The following ATF7IP2 variants were observed in gnomAD, a reference collection of about 807,000 sequenced individuals.
ATF7IP2 encodes the protein activating transcription factor 7 interacting protein 2.
In ATF7IP2, 42 loss-of-function variants were observed where a neutral mutation model predicts 64.2. That is an observed-to-expected ratio of 0.65 (90% CI 0.51 to 0.85). The LOEUF is 0.85. Ranked by LOEUF, ATF7IP2 falls within the 40% of genes least tolerant of loss-of-function variation. The pLI, the probability that ATF7IP2 is intolerant of heterozygous loss-of-function variation, is 0.00. For missense variants in ATF7IP2, 933 were observed against 784.2 expected (o/e 1.19, Z -2.27); for synonymous variants, 308 against 272.8 (o/e 1.13, Z -1.27).
chr16:10,440,924 C>T (rs2048597215), intron 8 of ATF7IP2, among the ~76,000 whole-genome samples: 1 of 152,152 alleles, frequency 6.6e-6, no homozygotes, highest in South Asian at 2.1e-4. Context: ...CTGACAGGCC[C>T]TGGTGTGTGG....
At chr16:10,464,988 G>A (rs2049511339) in intron 9 of ATF7IP2, among the ~76,000 whole-genome samples, 2 of 152,048 alleles carry the variant, frequency 1.3e-5, no homozygotes. Flanking sequence ...GTGTTGCCAC[G>A]CCCAGCTAAT....
intron 1 of ATF7IP2, chr16:10,387,364 T>C (rs967186940): frequency 6.6e-6 from 1 of 152,258 alleles, no homozygotes; most frequent in Non-Finnish European, 1.5e-5. Flanking sequence ...TAATCAAATT[T>C]ACTTCACTCT....
At position 10,480,894 on chromosome 16, in the gene ATF7IP2, C is replaced by T; in HGVS notation, c.1565C>T (p.Pro522Leu). ...TTGTTCACAGAAAGTCCAGTATCCCCCCTGGAGTCACATTCGAAAGCTGCT... is the reference window on the plus strand; with the variant it reads ...TTGTTCACAGAAAGTCCAGTATCCCTCCTGGAGTCACATTCGAAAGCTGCT... Reference protein sequence around the residue: ...SNCNTESPVSPLESHSKAASN... With the variant: ...SNCNTESPVSLLESHSKAASN... The change falls in exon 13 of 14, where the codon CCC becomes CTC. Residue 522 changes from proline (P) to leucine (L), a missense_variant. By Grantham distance (98) the Pro-to-Leu change is moderately conservative. Transcript: ENST00000562102. The T allele has an allele frequency of 2.5e-6, 4 of 1,611,104 alleles. No individual in the cohort carries two copies. In the South Asian group the frequency reaches 4.4e-5, roughly 18 times the overall value.
rs1197176931 is a variant in ATF7IP2 at position 10,482,192 on chromosome 16, A to G, written c.1992A>G (p.Arg664=). The G allele has an allele frequency of 6.2e-7, 1 of 1,612,334 alleles. No individual in the cohort carries two copies. Among genetic ancestry groups the G allele is most frequent in the Non-Finnish European group, 8.5e-7 (1 of 1,179,034 alleles). Residue 664 remains arginine (R), a synonymous_variant, in exon 14 of 14, where the codon CGA becomes CGG. Transcript: ENST00000562102. Reference sequence around the variant, plus strand: ...TCCAATCAAAAGATATTTTTGGACGATATGGACCATTCTGTGATATAAAAT... The same window carrying G: ...TCCAATCAAAAGATATTTTTGGACGGTATGGACCATTCTGTGATATAAAAT... ...FTVQSKDIFG[R]YGPFCDIKSI... is the part of the protein sequence containing the mutation.
chr16:10,479,373 T>C (rs916099615), intron 12 of ATF7IP2, among the ~76,000 whole-genome samples: 4 of 151,910 alleles, frequency 2.6e-5, no homozygotes, highest in Admixed American at 6.6e-5. Context: ...AAATTGGAAA[T>C]CATCATACTC....
In ATF7IP2 at chr16:10,438,173, A is replaced by G; in HGVS notation, c.1033A>G (p.Asn345Asp). Residue 345 changes from asparagine to aspartate, a missense_variant, in exon 7 of 14, where the codon AAC (asparagine) becomes GAC (aspartate). Asn to Asp is a conservative substitution (Grantham distance 23, BLOSUM62 1). Transcript: ENST00000562102. ...ELFDKKLKEL[N>D]QRIGKTECRN... Reference sequence around the variant, plus strand: ...ATTTGATAAGAAACTGAAAGAATTGAACCAACGCATTGGGAAGACAGAGTG... The same window carrying G: ...ATTTGATAAGAAACTGAAAGAATTGGACCAACGCATTGGGAAGACAGAGTG... 4.4e-6 allele frequency: 7 copies of G among 1,606,542 alleles called. No individual in the cohort carries two copies. Among genetic ancestry groups the G allele is most frequent in the Non-Finnish European group, 4.2e-6 (5 of 1,176,928 alleles).
At chr16:10,475,720 C>CCCAAAAAAAAAAAAAAAAA (rs2049978901) in intron 12 of ATF7IP2, among the ~76,000 whole-genome samples, 1 of 39,792 alleles carries the variant, frequency 2.5e-5, no homozygotes, top group Admixed American at 2.6e-4. Context: ...TCTAAGAAGC[C>CCCAAAAAAAAAAAAAAAAA]AGAAAAAAAA....
chr16:10,471,330 C>T (rs899706975), intron 9 of ATF7IP2, among the ~76,000 whole-genome samples: 1 of 152,120 alleles, frequency 6.6e-6, no homozygotes, highest in African/African-American at 2.4e-5. Flanking sequence ...GAGTTCAAGA[C>T]CAGCCTGACC....
intron 10 of ATF7IP2, among the ~76,000 whole-genome samples, chr16:10,472,779 C>G (rs1382929377): frequency 6.7e-6 from 1 of 150,254 alleles, no homozygotes; most frequent in African/African-American, 2.5e-5. Context: ...TTGCTTGAAC[C>G]TTGGAGGCAG....
At chr16:10,414,408 A>C (rs892559715) in intron 1 of ATF7IP2, among the ~76,000 whole-genome samples, 166 bp from the exon 2 acceptor site, 1 of 151,908 alleles carries the variant, frequency 6.6e-6, no homozygotes, top group Non-Finnish European at 1.5e-5. Flanking sequence ...AAATGTGTCC[A>C]TTATTTCCTG....
chr16:10,439,667 G>C (rs2048545873), intron 7 of ATF7IP2, among the ~76,000 whole-genome samples: 1 of 150,602 alleles, frequency 6.6e-6, no homozygotes, highest in Middle Eastern at 3.2e-3. Flanking sequence ...CGAGTAGCTG[G>C]GATTACAGGC....
intron 9 of ATF7IP2, among the ~76,000 whole-genome samples, chr16:10,464,365 T>C (rs2142037683): frequency 6.6e-6 from 1 of 152,308 alleles, no homozygotes; most frequent in Non-Finnish European, 1.5e-5. Flanking sequence ...TTATAATTGT[T>C]TTTTCTCATG....
intron 9 of ATF7IP2, among the ~76,000 whole-genome samples, chr16:10,464,028 G>A (rs1243055330): frequency 6.6e-6 from 1 of 152,140 alleles, no homozygotes; most frequent in African/African-American, 2.4e-5. Context: ...GTTGACAAAT[G>A]CCTTGAGAGA....
At chr16:10,421,257 A>G (rs1285220637) in intron 3 of ATF7IP2, among the ~76,000 whole-genome samples, 3 of 152,204 alleles carry the variant, frequency 2.0e-5, no homozygotes, top group African/African-American at 4.8e-5. Context: ...CTCTTGAACA[A>G]TAACACCAGT....
Position 10,433,662 on chromosome 16 carries a change from G to C in ATF7IP2, c.960+13G>C. 1 of 1,611,032 alleles carries C rather than the reference G, an allele frequency of 6.2e-7. No homozygotes were observed. Among genetic ancestry groups the C allele is most frequent in the South Asian group, 1.1e-5 (1 of 90,768 alleles). ...ATTCCTGGAACAGGTAAAATATTGGGGCTTAAATGGAACTTTTACTTTTGA... is the reference window on the plus strand; with the variant it reads ...ATTCCTGGAACAGGTAAAATATTGGCGCTTAAATGGAACTTTTACTTTTGA... On this transcript the variant is annotated intron_variant, in intron 6 of 13. Transcript: ENST00000562102.
intron 1 of ATF7IP2, among the ~76,000 whole-genome samples, chr16:10,401,161 A>G (rs1417278853): frequency 6.6e-6 from 1 of 151,986 alleles, no homozygotes; most frequent in African/African-American, 2.4e-5. Flanking sequence ...ATTATGGTTT[A>G]TTTTTATTTA....
intron 9 of ATF7IP2, among the ~76,000 whole-genome samples, chr16:10,459,062 G>A (rs777963587): frequency 3.3e-5 from 5 of 151,968 alleles, no homozygotes; most frequent in Non-Finnish European, 2.9e-5. Context: ...GGCCAGGCAC[G>A]GTGGCTCATG....
intron 1 of ATF7IP2, among the ~76,000 whole-genome samples, chr16:10,409,919 T>C (rs113784996): frequency 0.043 from 6,552 of 152,336 alleles, 207 homozygotes; most frequent in East Asian, 0.13. Context: ...CTGTATCCTG[T>C]TCCATTGGTC....
chr16:10,390,798 A>G (rs2047306265), intron 1 of ATF7IP2, among the ~76,000 whole-genome samples: 2 of 152,178 alleles, frequency 1.3e-5, no homozygotes, highest in Admixed American at 1.3e-4. Context: ...TGAAAAGGAA[A>G]AAGAGAGACT....
Sources: allele counts gnomAD v4.1 joint callset (sites outside exome capture counted in the v4.1 genomes callset), GRCh38; gene constraint gnomAD v4.1.1; transcripts MANE v1.5; gene names NCBI Gene and HGNC (gene_info 2026-07-23, HGNC 2026-07-21).